PTPN3: variants seen among roughly 807,000 people sequenced by gnomAD.
The protein encoded by PTPN3 is tyrosine-protein phosphatase non-receptor type 3.
Under a neutral mutation model 132.7 loss-of-function variants are expected in PTPN3, and 96 were observed. The ratio of observed to expected loss-of-function variants is 0.72; its 90% CI spans 0.61 to 0.86. The LOEUF is 0.86. PTPN3 is among the 40% of genes least tolerant of loss of function. The pLI is 0.00. For synonymous variants in PTPN3, 398 were observed against 429.0 expected (o/e 0.93, Z 0.89); for missense variants, 1,125 against 1,159.6 (o/e 0.97, Z 0.43).
chr9:109,487,905 G>A lies in PTPN3; in HGVS notation c.-18+10314C>T, dbSNP rs934187616. Among the ~76,000 whole-genome samples, 3 of 152,144 alleles carry A rather than the reference G, an allele frequency of 2.0e-5. No individual in the cohort carries two copies. The South Asian group carries it at 6.2e-4, about 31-fold the overall frequency. ...CAGTTCCTACTCTGCCATTGACTAT[G>A]TGCCCTTGAGTATGTTACATCCCTT... is the stretch of plus-strand genomic sequence containing the variant. On this transcript the variant is annotated intron_variant, in intron 1 of 25. Coordinates refer to ENST00000374541, the MANE Select transcript of PTPN3 (RefSeq NM_002829.4).
chr9:109,510,484 G>A, the PTPN3 span, among the ~76,000 whole-genome samples: 10 of 149,654 alleles, frequency 6.7e-5, no homozygotes, highest in East Asian at 1.8e-3. Context: ...CTTGAACCCC[G>A]GAGGCAGAGG....
intron 5 of PTPN3, chr9:109,451,034 CATTTTTTTAATTTTTA>C (rs911608332): frequency 1.1e-6 from 1 of 941,898 alleles, no homozygotes; most frequent in Non-Finnish European, 1.2e-6. Context: ...TTTTATTTTT[CATTTTTTTAATTTTTA>C]ATTTTTTTAA....
At chr9:109,442,704 G>A (rs866508669) in intron 7 of PTPN3, among the ~76,000 whole-genome samples, 10 of 152,182 alleles carry the variant, frequency 6.6e-5, no homozygotes, top group Middle Eastern at 3.2e-3. Flanking sequence ...CACTTGACAC[G>A]TGCCATGCAC....
chr9:109,497,101 T>C (rs1847703295), intron 1 of PTPN3, among the ~76,000 whole-genome samples: 1 of 152,168 alleles, frequency 6.6e-6, no homozygotes, highest in South Asian at 2.1e-4. Context: ...TGCTCTCTGA[T>C]TACAATTCGG....
intron 10 of PTPN3, among the ~76,000 whole-genome samples, chr9:109,432,396 T>A (rs1430907927): frequency 6.6e-6 from 1 of 152,138 alleles, no homozygotes; most frequent in Non-Finnish European, 1.5e-5. Flanking sequence ...TCTCCTGCCG[T>A]CTATGGCACT....
At chr9:109,422,989 A>T in intron 12 of PTPN3, 137 bp from the exon 13 acceptor site, 2 of 1,086,874 alleles carry the variant, frequency 1.8e-6, no homozygotes, top group Non-Finnish European at 2.6e-6. Context: ...GAGTAGAGGG[A>T]GACAGCTCAA....
At chr9:109,453,270 C>CTCTGTG (rs1845371540) in intron 5 of PTPN3, among the ~76,000 whole-genome samples, 1 of 152,222 alleles carries the variant, frequency 6.6e-6, no homozygotes, top group African/African-American at 2.4e-5. Flanking sequence ...CAAGGCAACA[C>CTCTGTG]TCTGTGTCTG....
intron 5 of PTPN3, chr9:109,449,449 T>C (rs1845095825): frequency 1.0e-6 from 1 of 985,548 alleles, no homozygotes; most frequent in Non-Finnish European, 1.2e-6. Context: ...ACCTCCAAGC[T>C]GAATTCTGCA....
intron 22 of PTPN3, among the ~76,000 whole-genome samples, chr9:109,388,472 C>T (rs1376717770): frequency 6.6e-6 from 1 of 152,136 alleles, no homozygotes; most frequent in Non-Finnish European, 1.5e-5. Flanking sequence ...GGGAAACAAA[C>T]CCTCCAGGTC....
At chr9:109,452,293 TAAAAC>T (rs1281393394) in intron 5 of PTPN3, among the ~76,000 whole-genome samples, 8 of 127,210 alleles carry the variant, frequency 6.3e-5, no homozygotes, top group Admixed American at 3.1e-4. Context: ...AAAAAGGAAA[TAAAAC>T]AGAATAGAAA....
the PTPN3 span, among the ~76,000 whole-genome samples, chr9:109,507,055 T>C: frequency 2.0e-5 from 3 of 152,180 alleles, no homozygotes; most frequent in Non-Finnish European, 4.4e-5. Flanking sequence ...AAAGCCCAGG[T>C]TTCTTAACAA....
rs1845136984 is a variant in PTPN3, at chr9:109,449,915, G to A, written c.369-1060C>T. 1.8e-5 allele frequency: 18 copies of A among 985,262 alleles called. No individual in the cohort carries two copies. In the South Asian group the frequency reaches 1.9e-4, roughly 10 times the overall value. 61.0% of individuals were successfully genotyped at this position (985,262 alleles called of 1,614,324 possible). Reference sequence around the variant, plus strand: ...TACAACCTCCTATTTGCACAGTTCCGGGCTTTGTACATGGTACTACTTTGT... The same window carrying A: ...TACAACCTCCTATTTGCACAGTTCCAGGCTTTGTACATGGTACTACTTTGT... On this transcript the variant is annotated intron_variant, in intron 5 of 25. Coordinates refer to ENST00000374541, the MANE Select transcript of PTPN3 (RefSeq NM_002829.4).
At chr9:109,395,082 G>C (rs1840458812) in intron 19 of PTPN3, among the ~76,000 whole-genome samples, 1 of 151,710 alleles carries the variant, frequency 6.6e-6, no homozygotes, top group Admixed American at 6.6e-5. Flanking sequence ...AGAGCTTGCA[G>C]TGAGCCGAGA....
intron 1 of PTPN3, among the ~76,000 whole-genome samples, chr9:109,492,912 C>T (rs1163274775): frequency 6.6e-6 from 1 of 152,208 alleles, no homozygotes; most frequent in African/African-American, 2.4e-5. Context: ...CAAAACAATA[C>T]ATAATATTTC....
intron 19 of PTPN3, among the ~76,000 whole-genome samples, chr9:109,394,877 C>G (rs1480887035): frequency 6.6e-6 from 1 of 152,140 alleles, no homozygotes; most frequent in Non-Finnish European, 1.5e-5. Flanking sequence ...TGGCAGCTCA[C>G]GCCTGTAATC....
At chr9:109,404,025 C>T (rs974138959) in intron 19 of PTPN3, among the ~76,000 whole-genome samples, 1 of 152,064 alleles carries the variant, frequency 6.6e-6, no homozygotes, top group African/African-American at 2.4e-5. Flanking sequence ...GAGCTGGTTC[C>T]TTCACCCACA....
At position 109,422,519 on chromosome 9, in the gene PTPN3, G is replaced by A. The variant is rs7042071; in HGVS notation, c.1136+199C>T. On this transcript the variant is annotated intron_variant, in intron 13 of 25. Coordinates refer to ENST00000374541, the MANE Select transcript of PTPN3 (RefSeq NM_002829.4). ...TAGATTGAATAAGTTTTTTTAAAAA[G>A]AGCATCTCAGCATTATACACGATGG... Among the ~76,000 whole-genome samples, 4 of 152,290 alleles carry A rather than the reference G, an allele frequency of 2.6e-5. No individual in the cohort carries two copies. The East Asian group carries it at 7.7e-4, about 29-fold the overall frequency.
intron 12 of PTPN3, among the ~76,000 whole-genome samples, chr9:109,425,699 TCAAAA>T (rs972233177): frequency 3.4e-5 from 5 of 147,820 alleles, no homozygotes; most frequent in African/African-American, 1.3e-4. Flanking sequence ...AGACTTCGTC[TCAAAA>T]CAAAACAAAA....
At chr9:109,479,010 T>A (rs1000141272) in intron 1 of PTPN3, among the ~76,000 whole-genome samples, 1 of 133,788 alleles carries the variant, frequency 7.5e-6, no homozygotes, top group Non-Finnish European at 1.5e-5. Flanking sequence ...TAAACAAGCG[T>A]TTTTTTTTTT....
Sources: allele counts gnomAD v4.1 joint callset (sites outside exome capture counted in the v4.1 genomes callset), GRCh38; gene constraint gnomAD v4.1.1; transcripts MANE v1.5; gene names NCBI Gene and HGNC (gene_info 2026-07-23, HGNC 2026-07-21).